Variants in NOTCH2 observed in about 807,000 individuals in gnomAD.
The protein encoded by NOTCH2 is notch receptor 2, also known as neurogenic locus notch homolog protein 2.
NOTCH2 carries 29 observed loss-of-function variants against 235.8 expected under a neutral mutation model. That is an observed-to-expected ratio of 0.12 (90% confidence interval 0.09 to 0.17). NOTCH2 has a LOEUF of 0.17. NOTCH2 is among the 10% of genes least tolerant of loss of function. The pLI, the probability that NOTCH2 is intolerant of heterozygous loss-of-function variation, is 1.00. For synonymous variants in NOTCH2, 1,086 were observed against 1,141.5 expected (o/e 0.95, Z 0.98); for missense variants, 2,285 against 3,150.2 (o/e 0.73, Z 6.57).
At chr1:119,918,639 T>C in intron 31 of NOTCH2, 86 bp from the exon 32 acceptor site, 1 of 1,377,280 alleles carries the variant, frequency 7.3e-7, no homozygotes, top group Non-Finnish European at 1.0e-6. Flanking sequence ...GCATCAGAGC[T>C]GAGGCTACAG....
At chr1:120,000,188 T>C (rs2603819) in intron 3 of NOTCH2, among the ~76,000 whole-genome samples, 3,155 of 146,250 alleles carry the variant, frequency 0.022, no homozygotes, top group African/African-American at 0.058. Flanking sequence ...AAAGGATGAC[T>C]TTGATCTGTG....
chr1:119,983,876 A>G (rs1341057942), intron 5 of NOTCH2, among the ~76,000 whole-genome samples: 1 of 152,232 alleles, frequency 6.6e-6, no homozygotes, highest in African/African-American at 2.4e-5. Flanking sequence ...CCATTTATTT[A>G]AAATTAATGC....
intron 32 of NOTCH2, 97 bp downstream of exon 32, chr1:119,918,309 G>C: frequency 7.5e-7 from 1 of 1,324,708 alleles, no homozygotes. Flanking sequence ...CACGTATTTG[G>C]ATCTCAGGCA....
Position 119,913,111 on chromosome 1 carries a change from T to C in NOTCH2, c.*2195A>G, listed in dbSNP as rs1261415242. On this transcript the variant is annotated 3_prime_UTR_variant, in exon 34 of 34. Transcript: ENST00000256646. ...CATGCAGATAGGTTCTCCCCATCTGTGAATAATAAATGGGTCCAAGGGCAG... is the reference window on the plus strand; with the variant it reads ...CATGCAGATAGGTTCTCCCCATCTGCGAATAATAAATGGGTCCAAGGGCAG... 2 of 233,068 alleles carry C rather than the reference T, an allele frequency of 8.6e-6. No individual in the cohort carries two copies. The highest frequency in any genetic ancestry group is 1.8e-4 in the South Asian group (1 of 5,522). 14.4% of individuals were successfully genotyped at this position (233,068 alleles called of 1,614,324 possible).
chr1:119,915,017 C>G lies in NOTCH2; in HGVS notation c.*289G>C. The G allele has an allele frequency of 6.2e-6, 3 of 486,328 alleles. No individual in the cohort carries two copies. Among genetic ancestry groups the G allele is most frequent in the Non-Finnish European group, 1.1e-5 (3 of 265,390 alleles). The allele number at this position is 486,328 out of a possible 1,614,324, so 30.1% of individuals were successfully genotyped here. ...AGAATGTCTGGGCTTCAATAAGCAT[C>G]CATCTTATTCTCCAAATAGAAGAGA... is the stretch of plus-strand genomic sequence containing the variant. On this transcript the variant is annotated 3_prime_UTR_variant, in exon 34 of 34. Coordinates refer to ENST00000256646, the MANE Select transcript of NOTCH2 (RefSeq NM_024408.4).
chr1:119,957,488 G>A (rs1650749747), intron 12 of NOTCH2, among the ~76,000 whole-genome samples: 1 of 151,914 alleles, frequency 6.6e-6, no homozygotes, highest in Admixed American at 6.6e-5. Context: ...TTATTAGAAT[G>A]ATATGGGAAA....
At chr1:119,931,514 G>A (rs1553195101) in intron 22 of NOTCH2, among the ~76,000 whole-genome samples, 1 of 151,920 alleles carries the variant, frequency 6.6e-6, no homozygotes, top group African/African-American at 2.4e-5. Flanking sequence ...AAATAACCAG[G>A]AAAACTATGA....
chr1:120,027,481 TAAG>T, intron 2 of NOTCH2, among the ~76,000 whole-genome samples: 1 of 149,208 alleles, frequency 6.7e-6, no homozygotes, highest in East Asian at 2.0e-4. Flanking sequence ...ATTTTACTTT[TAAG>T]TTTTGGGATA....
chr1:119,917,809 T>C (rs779957810), intron 32 of NOTCH2, 47 bp from the exon 33 acceptor site: 6 of 1,091,408 alleles, frequency 5.5e-6, no homozygotes, highest in East Asian at 2.4e-5. Context: ...CTACTCTTAG[T>C]ATAAGACACT....
At chr1:119,976,947 T>C (rs1235698919) in intron 5 of NOTCH2, among the ~76,000 whole-genome samples, 1 of 152,112 alleles carries the variant, frequency 6.6e-6, no homozygotes, top group East Asian at 1.9e-4. Flanking sequence ...CTAAACACAA[T>C]TAGTTCTGCC....
chr1:119,962,893 A>G (rs1195185439), intron 11 of NOTCH2, among the ~76,000 whole-genome samples: 1 of 152,216 alleles, frequency 6.6e-6, no homozygotes, highest in Non-Finnish European at 1.5e-5. Context: ...TGAGAAAATA[A>G]TTCCACATCC....
intron 11 of NOTCH2, among the ~76,000 whole-genome samples, chr1:119,961,596 G>A (rs1650940406): frequency 6.6e-6 from 1 of 152,144 alleles, no homozygotes; most frequent in African/African-American, 2.4e-5. Context: ...GGGTGCTTTC[G>A]CTAAGCTCTT....
chr1:119,945,278 A>G (rs782154558), intron 17 of NOTCH2, among the ~76,000 whole-genome samples: 13 of 152,194 alleles, frequency 8.5e-5, no homozygotes, highest in Non-Finnish European at 1.6e-4. Context: ...TCATAAAAAT[A>G]CTCAATTATT....
chr1:119,975,966 G>T (rs923064664), intron 5 of NOTCH2, among the ~76,000 whole-genome samples: 2 of 152,202 alleles, frequency 1.3e-5, no homozygotes, highest in African/African-American at 4.8e-5. Context: ...ATTGAAAAAA[G>T]TAAGGTGCTG....
intron 17 of NOTCH2, 77 bp from the exon 18 acceptor site, chr1:119,941,831 G>A: frequency 8.7e-7 from 1 of 1,143,336 alleles, no homozygotes; most frequent in Non-Finnish European, 1.3e-6. Context: ...TGAATGACCT[G>A]AACTAAGTCA....
At chr1:120,045,884 AG>A (rs1205934427) in intron 1 of NOTCH2, among the ~76,000 whole-genome samples, 1 of 152,296 alleles carries the variant, frequency 6.6e-6, no homozygotes, top group Non-Finnish European at 1.5e-5. Context: ...CCCCAGAAGC[AG>A]GGGAGGTGTA....
In NOTCH2 at chr1:119,915,387, A is replaced by G. The variant is rs747599635; in HGVS notation, c.7335T>C (p.Pro2445=). ...CCCGCTGACCTCCTCCAGCACCCCC[A>G]GGGGTAGGGCTGGTGGTCACATCTG... ...DWSDVTTSPT[P]GGAGGGQRGP... The change falls in exon 34 of 34, where the codon CCT becomes CCC. Residue 2445 remains proline (P), a synonymous_variant. Transcript: ENST00000256646. 6.2e-7 allele frequency: 1 copy of G among 1,614,070 alleles called. No individual in the cohort carries two copies.
chr1:120,037,138 T>C (rs1304396309), intron 1 of NOTCH2, among the ~76,000 whole-genome samples: 8 of 152,182 alleles, frequency 5.3e-5, no homozygotes, highest in Admixed American at 1.3e-4. Context: ...TCTCCCTATG[T>C]GCAGTGTGGT....
chr1:119,953,827 C>A, intron 13 of NOTCH2, 139 bp from the exon 14 acceptor site: 2 of 792,320 alleles, frequency 2.5e-6, no homozygotes, highest in Admixed American at 1.9e-5. Context: ...CATCACCTTG[C>A]ACATGGTGTG....
Sources: gnomAD v4.1 joint callset for allele counts (sites outside exome capture counted in the v4.1 genomes callset) on GRCh38, gnomAD v4.1.1 for gene constraint, MANE v1.5 for transcripts, NCBI Gene and HGNC (gene_info 2026-07-23, HGNC 2026-07-21) for gene names.